Variants in VPS37C observed in about 807,000 individuals in gnomAD.
The protein encoded by VPS37C is vacuolar protein sorting-associated protein 37C.
A neutral mutation model predicts 16.1 loss-of-function variants in VPS37C; 9 were observed. That is an observed-to-expected ratio of 0.56 (90% CI 0.34 to 0.97). The LOEUF (loss-of-function observed/expected upper bound fraction) is 0.97, where lower values mean the gene tolerates loss of function less well. Among genes scored for constraint, VPS37C ranks in the 50% least tolerant of loss-of-function variants. VPS37C has a pLI of 0.02. For missense variants in VPS37C, 479 were observed against 472.7 expected (o/e 1.01, Z -0.12); for synonymous variants, 207 against 206.4 (o/e 1.00, Z -0.02).
chr11:61,132,291 G>A lies in VPS37C; in HGVS notation c.597C>T (p.Ala199=). The part of the protein sequence containing the change: ...VVEEQPQPPL[A]MPPYPLPYSP... ...TGTAGGGCAAAGGGTAGGGAGGCATGGCTAATGGTGGCTGCGGCTGCTCTT... is the reference window on the plus strand; with the variant it reads ...TGTAGGGCAAAGGGTAGGGAGGCATAGCTAATGGTGGCTGCGGCTGCTCTT... Residue 199 remains alanine (A), a synonymous_variant, in exon 5 of 5, where the codon GCC becomes GCT. Coordinates refer to ENST00000301765, the MANE Select transcript of VPS37C (RefSeq NM_017966.5). 2 of 1,577,900 alleles carry A rather than the reference G, an allele frequency of 1.3e-6. No homozygotes were observed. Among genetic ancestry groups the A allele is most frequent in the Non-Finnish European group, 1.7e-6 (2 of 1,159,436 alleles).
At chr11:61,142,998 A>AAG (rs1565193867) in intron 1 of VPS37C, among the ~76,000 whole-genome samples, 2 of 149,870 alleles carry the variant, frequency 1.3e-5, no homozygotes, top group African/African-American at 4.9e-5. Context: ...AAAAAAAAAA[A>AAG]AGAGATGAGA....
chr11:61,161,049 T>A (rs1187962781), intron 1 of VPS37C: 1 of 152,338 alleles, frequency 6.6e-6, no homozygotes, highest in Non-Finnish European at 1.5e-5. Context: ...TTGGCTCTAA[T>A]GTCATCAGAA....
At chr11:61,140,945 T>C (rs1309466503) in intron 1 of VPS37C, among the ~76,000 whole-genome samples, 1 of 152,164 alleles carries the variant, frequency 6.6e-6, no homozygotes, top group African/African-American at 2.4e-5. Context: ...ACACGGTGGC[T>C]CACACCTGTA....
intron 1 of VPS37C, chr11:61,144,469 C>T (rs1251581887): frequency 4.1e-5 from 6 of 145,986 alleles, no homozygotes; most frequent in South Asian, 2.3e-4. Context: ...AGGAGGAGAA[C>T]GCAGGCAGTG....
rs764528854 is a variant in VPS37C at position 61,133,339 on chromosome 11, T to C, written c.266-2A>G. On this transcript the variant is annotated splice_acceptor_variant, in intron 3 of 4. Transcript: ENST00000301765. LOFTEE classifies it high-confidence loss of function. ...GCTGCAGTGCTGAAGAAAATTTCTC[T>C]GGAAGGGAGGGCAGAACGACTGACA... 5.6e-6 allele frequency: 9 copies of C among 1,613,884 alleles called. No individual in the cohort carries two copies. The South Asian group carries it at 8.8e-5, about 16-fold the overall frequency.
chr11:61,151,702 C>T (rs1001417203), intron 1 of VPS37C, among the ~76,000 whole-genome samples: 10 of 152,172 alleles, frequency 6.6e-5, no homozygotes, highest in Non-Finnish European at 1.2e-4. Flanking sequence ...CCCGTGTCAA[C>T]GCAGGACAGA....
At chr11:61,158,259 T>C (rs901542078) in intron 1 of VPS37C, among the ~76,000 whole-genome samples, 4 of 152,178 alleles carry the variant, frequency 2.6e-5, no homozygotes, top group Non-Finnish European at 5.9e-5. Flanking sequence ...CAAGGGGAAA[T>C]GGACGAATCC....
chr11:61,136,509 C>A (rs1417457992), intron 2 of VPS37C, among the ~76,000 whole-genome samples: 1 of 152,174 alleles, frequency 6.6e-6, no homozygotes, highest in Admixed American at 6.6e-5. Context: ...AACAAAGATT[C>A]TCATCTTCCC....
intron 1 of VPS37C, among the ~76,000 whole-genome samples, chr11:61,159,619 A>AC (rs1325397227): frequency 4.6e-5 from 7 of 151,084 alleles, no homozygotes; most frequent in African/African-American, 7.3e-5. Flanking sequence ...ACATGGTGAA[A>AC]CCCCGTCTCT....
In VPS37C at chr11:61,133,352, A is replaced by C. The variant is rs765436236; in HGVS notation, c.266-15T>G. The C allele has an allele frequency of 5.0e-6, 8 of 1,613,144 alleles. No homozygotes were observed. In the South Asian group the frequency reaches 8.8e-5, roughly 18 times the overall value. On this transcript the variant is annotated splice_polypyrimidine_tract_variant and intron_variant, in intron 3 of 4. Coordinates refer to ENST00000301765, the MANE Select transcript of VPS37C (RefSeq NM_017966.5). The stretch of plus-strand genomic sequence containing the variant: ...AGAAAATTTCTCTGGAAGGGAGGGC[A>C]GAACGACTGACATTTGAAAAGTGCT...
In VPS37C at chr11:61,132,637, C is replaced by T. The variant is rs564866438; in HGVS notation, c.349-98G>A. 182 of 1,482,240 alleles carry T rather than the reference C, an allele frequency of 1.2e-4. No homozygotes were observed. The African/African-American group carries it at 2.0e-3, about 16-fold the overall frequency. 91.8% of individuals were successfully genotyped at this position (1,482,240 alleles called of 1,614,324 possible). On this transcript the variant is annotated intron_variant, in intron 4 of 4. Transcript: ENST00000301765. ...GTTCAGCTGCAGCCCTCCCACCTCA[C>T]GCCGCCTCAGGCACCCCCTCCTCTT...
At chr11:61,138,632 G>A (rs1226607125) in intron 2 of VPS37C, 105 bp downstream of exon 2, 3 of 1,010,258 alleles carry the variant, frequency 3.0e-6, no homozygotes, top group Non-Finnish European at 3.1e-6. Context: ...AGAAAAGGGA[G>A]ATGAATTTGG....
chr11:61,130,631 ACCCC>A lies in VPS37C; in HGVS notation c.*1185_*1188del, dbSNP rs1039942122. 1 of 291,938 alleles carries A rather than the reference ACCCC, an allele frequency of 3.4e-6. No homozygotes were observed. The highest frequency in any genetic ancestry group is 2.4e-5 in the African/African-American group (1 of 42,200). The allele number at this position is 291,938 out of a possible 1,614,324, so 18.1% of individuals were successfully genotyped here. ...GAACAACCAAGTTAACACTCATCACACCCCCTTTGTCTATTGTATTCATTCTTAT... is the reference window on the plus strand; with the variant it reads ...GAACAACCAAGTTAACACTCATCACACTTTGTCTATTGTATTCATTCTTAT... On this transcript the variant is annotated 3_prime_UTR_variant, in exon 5 of 5. Coordinates refer to ENST00000301765, the MANE Select transcript of VPS37C (RefSeq NM_017966.5).
In VPS37C at chr11:61,132,285, A is replaced by G. The variant is rs1483150843; in HGVS notation, c.603T>C (p.Pro201=). The G allele has an allele frequency of 6.4e-7, 1 of 1,572,582 alleles. No individual in the cohort carries two copies. Among genetic ancestry groups the G allele is most frequent in the African/African-American group, 1.4e-5 (1 of 73,548 alleles). Residue 201 remains proline (P), a synonymous_variant, in exon 5 of 5, where the codon CCT becomes CCC. Coordinates refer to ENST00000301765, the MANE Select transcript of VPS37C (RefSeq NM_017966.5). ...EEQPQPPLAM[P]PYPLPYSPSP... ...ATGGGCTGTAGGGCAAAGGGTAGGG[A>G]GGCATGGCTAATGGTGGCTGCGGCT...
chr11:61,133,749 A>T (rs1861313537), intron 3 of VPS37C, among the ~76,000 whole-genome samples: 1 of 152,166 alleles, frequency 6.6e-6, no homozygotes, highest in Non-Finnish European at 1.5e-5. Flanking sequence ...CAGCTCAGTA[A>T]AGCATAGAAG....
Position 61,132,034 on chromosome 11 carries a change from G to A in VPS37C, c.854C>T (p.Pro285Leu), listed in dbSNP as rs1472281622. 3 of 1,382,832 alleles carry A rather than the reference G, an allele frequency of 2.2e-6. No homozygotes were observed. The highest frequency in any genetic ancestry group is 3.6e-5 in the Admixed American group (1 of 28,074). The allele number at this position is 1,382,832 out of a possible 1,614,324, so 85.7% of individuals were successfully genotyped here. A position where few individuals can be genotyped will look rare whatever the true frequency, so the allele number is the denominator to read the frequency against. ...ACTGGGGGCCCTGCCTCCCCGCAAG[G>A]GGTACCCAGGCCCAGAGGCACCCAT... is the stretch of plus-strand genomic sequence containing the variant. ...TPMGASGPGY[P>L]LRGGRAPSPG... The change falls in exon 5 of 5, where the codon CCC (proline) becomes CTC (leucine). Residue 285 changes from proline (P) to leucine (L), a missense_variant. Pro to Leu is a moderately conservative substitution (Grantham distance 98, BLOSUM62 -3). Transcript: ENST00000301765.
intron 1 of VPS37C, among the ~76,000 whole-genome samples, chr11:61,140,570 G>A (rs191417149): frequency 6.6e-6 from 1 of 152,336 alleles, no homozygotes; most frequent in Non-Finnish European, 1.5e-5. Context: ...TGACCATACA[G>A]GTGGCCAGCC....
intron 1 of VPS37C, among the ~76,000 whole-genome samples, chr11:61,151,873 C>G (rs1301425400): frequency 6.6e-6 from 1 of 152,174 alleles, no homozygotes; most frequent in Non-Finnish European, 1.5e-5. Flanking sequence ...GACAGTAAAG[C>G]CAAGCCACTC....
chr11:61,151,373 C>T lies in VPS37C; in HGVS notation c.-7+10018G>A, dbSNP rs183038752. On this transcript the variant is annotated intron_variant, in intron 1 of 4. Coordinates refer to ENST00000301765, the MANE Select transcript of VPS37C (RefSeq NM_017966.5). The stretch of plus-strand genomic sequence containing the variant: ...AACAGATGTACCGGCCCAGGAGCCC[C>T]GGCAGCACAGGAGCAGTGCCTCCTT... 3.6e-3 allele frequency among the ~76,000 whole-genome samples: 545 copies of T among 152,280 alleles called. 5 individuals are homozygous for T. The highest frequency in any genetic ancestry group is 0.013 in the African/African-American group (522 of 41,548).
Sources: gnomAD v4.1 joint callset for allele counts (sites outside exome capture counted in the v4.1 genomes callset) on GRCh38, gnomAD v4.1.1 for gene constraint, MANE v1.5 for transcripts, NCBI Gene and HGNC (gene_info 2026-07-23, HGNC 2026-07-21) for gene names.